Variants in EBF1 observed in about 807,000 individuals in gnomAD.
The protein encoded by EBF1 is transcription factor COE1.
Under a neutral mutation model 68.4 loss-of-function variants are expected in EBF1, and 10 were observed. That is an observed-to-expected ratio of 0.15 (90% CI 0.09 to 0.25). The LOEUF (loss-of-function observed/expected upper bound fraction) is 0.25. EBF1 is among the 10% of genes least tolerant of loss of function. The pLI, the probability that EBF1 is intolerant of heterozygous loss-of-function variation, is 1.00. For missense variants in EBF1, 509 were observed against 794.4 expected, an observed-to-expected ratio of 0.64 and a Z score of 4.32; for synonymous variants, 298 against 299.8, an observed-to-expected ratio of 0.99 and a Z score of 0.06.
At chr5:158,940,613 G>T (rs1561572901) in intron 6 of EBF1, among the ~76,000 whole-genome samples, 1 of 152,100 alleles carries the variant, frequency 6.6e-6, no homozygotes, top group Non-Finnish European at 1.5e-5. Context: ...GGCTGCTGTA[G>T]TTCTTGGAAC....
intron 7 of EBF1, among the ~76,000 whole-genome samples, chr5:158,832,814 AG>A (rs978421298): frequency 3.3e-5 from 5 of 152,208 alleles, no homozygotes; most frequent in Non-Finnish European, 5.9e-5. Context: ...TTGAAAAGGC[AG>A]GGAGTTGCCT....
chr5:158,862,727 T>A (rs777728377), intron 6 of EBF1, among the ~76,000 whole-genome samples: 9 of 152,084 alleles, frequency 5.9e-5, no homozygotes, highest in Non-Finnish European at 1.3e-4. Context: ...TGAAGTTATA[T>A]CCTCCCTGAG....
intron 6 of EBF1, among the ~76,000 whole-genome samples, chr5:159,041,940 G>A (rs942783952): frequency 2.0e-5 from 3 of 152,160 alleles, no homozygotes; most frequent in Non-Finnish European, 4.4e-5. Context: ...TGGCTGTGGT[G>A]GAGGAAACCA....
chr5:158,934,886 G>A (rs1379282928), intron 6 of EBF1, among the ~76,000 whole-genome samples: 1 of 152,154 alleles, frequency 6.6e-6, no homozygotes, highest in Non-Finnish European at 1.5e-5. Context: ...TGCACTCATT[G>A]CAAGTCTACA....
chr5:158,847,426 A>G (rs957270751), intron 6 of EBF1, among the ~76,000 whole-genome samples: 2 of 152,180 alleles, frequency 1.3e-5, no homozygotes, highest in Non-Finnish European at 1.5e-5. Context: ...AAAAAATTAC[A>G]ATTTCTTAGA....
At chr5:158,844,979 C>G (rs1048855834) in intron 6 of EBF1, among the ~76,000 whole-genome samples, 1 of 152,054 alleles carries the variant, frequency 6.6e-6, no homozygotes, top group Non-Finnish European at 1.5e-5. Flanking sequence ...GTACTCAAGA[C>G]CAAAAGGCAC....
At chr5:159,005,731 C>G (rs1763429658) in intron 6 of EBF1, among the ~76,000 whole-genome samples, 1 of 152,186 alleles carries the variant, frequency 6.6e-6, no homozygotes, top group African/African-American at 2.4e-5. Context: ...GTTCCTTAAT[C>G]TTTTATGGCA....
At chr5:159,019,341 G>A (rs938214730) in intron 6 of EBF1, among the ~76,000 whole-genome samples, 4 of 151,956 alleles carry the variant, frequency 2.6e-5, no homozygotes, top group Non-Finnish European at 5.9e-5. Context: ...ATAAATGTCG[G>A]GCTCATATAA....
At chr5:158,951,717 A>C (rs891003071) in intron 6 of EBF1, among the ~76,000 whole-genome samples, 4 of 152,202 alleles carry the variant, frequency 2.6e-5, no homozygotes, top group Non-Finnish European at 4.4e-5. Flanking sequence ...ATTGGGACCA[A>C]GAGGGTGATA....
chr5:158,803,982 G>A (rs945273208), intron 8 of EBF1, among the ~76,000 whole-genome samples: 1 of 132,662 alleles, frequency 7.5e-6, no homozygotes, highest in Admixed American at 7.8e-5. Context: ...GTGTGTGTGT[G>A]ATGTTTGTCA....
Position 159,099,515 on chromosome 5 carries a change from T to A in EBF1, c.-37A>T. Reference sequence around the variant, plus strand: ...TTTCTTGTGGAAAATCTCCTCCCCCTTGAAAAAAATTAAAAAAAAAAAAAA... The same window carrying A: ...TTTCTTGTGGAAAATCTCCTCCCCCATGAAAAAAATTAAAAAAAAAAAAAA... On this transcript the variant is annotated 5_prime_UTR_variant, in exon 1 of 16. The change creates a new upstream start codon in the 5' untranslated region. Coordinates refer to ENST00000313708, the MANE Select transcript of EBF1 (RefSeq NM_024007.5). The A allele has an allele frequency of 2.3e-6, 3 of 1,294,500 alleles. No individual in the cohort carries two copies. The highest frequency in any genetic ancestry group is 2.1e-5 in the African/African-American group (1 of 48,214). The allele number at this position is 1,294,500 out of a possible 1,614,324, so 80.2% of individuals were successfully genotyped here.
chr5:158,987,488 C>A (rs145139370), intron 6 of EBF1, among the ~76,000 whole-genome samples: 43 of 152,272 alleles, frequency 2.8e-4, no homozygotes, highest in African/African-American at 9.4e-4. Flanking sequence ...ATCCTCCCAA[C>A]AATACAAGGA....
chr5:158,796,858 T>G (rs1313246261), intron 8 of EBF1, among the ~76,000 whole-genome samples: 1 of 152,154 alleles, frequency 6.6e-6, no homozygotes, highest in African/African-American at 2.4e-5. Context: ...ATATATCTCC[T>G]GAAAAGAAAA....
intron 6 of EBF1, among the ~76,000 whole-genome samples, chr5:158,957,651 G>A (rs1485149305): frequency 1.3e-5 from 2 of 152,188 alleles, no homozygotes; most frequent in African/African-American, 2.4e-5. Context: ...CATGGCATGT[G>A]CCTCTTCTTT....
intron 10 of EBF1, among the ~76,000 whole-genome samples, chr5:158,742,005 A>C (rs1203605977): frequency 6.6e-6 from 1 of 152,112 alleles, no homozygotes; most frequent in Admixed American, 6.5e-5. Context: ...ACTTTGCCTA[A>C]ATCCACCGAG....
At chr5:158,840,005 T>A (rs1434629796) in intron 7 of EBF1, 24 bp downstream of exon 7, 8 of 1,604,850 alleles carry the variant, frequency 5.0e-6, no homozygotes, top group Non-Finnish European at 6.0e-6. Flanking sequence ...TTATTGAGAT[T>A]CAAGAAAGAT....
intron 6 of EBF1, among the ~76,000 whole-genome samples, chr5:158,992,421 T>C (rs963134144): frequency 3.9e-5 from 6 of 152,182 alleles, no homozygotes; most frequent in Admixed American, 2.0e-4. Flanking sequence ...TCCATTTCTC[T>C]TCCCTTCTTA....
At chr5:158,829,696 AC>A (rs1787073198) in intron 7 of EBF1, among the ~76,000 whole-genome samples, 2 of 151,962 alleles carry the variant, frequency 1.3e-5, no homozygotes, top group Admixed American at 1.3e-4. Flanking sequence ...TCTACCCTCA[AC>A]CCCCTATAGT....
At chr5:159,097,956 C>T (rs979733096) in intron 1 of EBF1, among the ~76,000 whole-genome samples, 1 of 152,212 alleles carries the variant, frequency 6.6e-6, no homozygotes, top group Admixed American at 6.5e-5. Context: ...TAGAAGAACA[C>T]ACACGAGCGC....
Sources: allele counts gnomAD v4.1 joint callset (sites outside exome capture counted in the v4.1 genomes callset), GRCh38; gene constraint gnomAD v4.1.1; transcripts MANE v1.5; gene names NCBI Gene and HGNC (gene_info 2026-07-23, HGNC 2026-07-21).